SHLD2: variants seen among roughly 807,000 people sequenced by gnomAD.
SHLD2 encodes the protein RINN1-REV7-interacting novel NHEJ regulator 2.
Under a neutral mutation model 73.2 loss-of-function variants are expected in SHLD2, and 30 were observed. The observed-to-expected ratio is 0.41, with a 90% confidence interval of 0.31 to 0.56. SHLD2 has a LOEUF of 0.56. SHLD2 is among the 20% of genes least tolerant of loss of function. The pLI is 0.28. For missense variants in SHLD2, 745 were observed against 1,055.9 expected (o/e 0.71, Z 4.08); for synonymous variants, 285 against 370.1 (o/e 0.77, Z 2.64).
At chr10:87,180,040 C>G in intron 7 of SHLD2, 35 bp from the exon 8 acceptor site, 1 of 1,564,528 alleles carries the variant, frequency 6.4e-7, no homozygotes, top group Non-Finnish European at 8.8e-7. Context: ...AATTTTGGCC[C>G]AATAATTTAT....
At chr10:87,117,172 C>A (rs1005695782) in intron 2 of SHLD2, among the ~76,000 whole-genome samples, 1 of 152,196 alleles carries the variant, frequency 6.6e-6, no homozygotes, top group South Asian at 2.1e-4. Context: ...GTAATCCCAG[C>A]ACTTTGGGAG....
intron 2 of SHLD2, among the ~76,000 whole-genome samples, chr10:87,103,653 A>G (rs971367414): frequency 6.6e-6 from 1 of 152,226 alleles, no homozygotes; most frequent in African/African-American, 2.4e-5. Flanking sequence ...TTTAGTGAGC[A>G]TGCTTTAACA....
At position 87,146,611 on chromosome 10, in the gene SHLD2, T is replaced by C. The variant is rs185328436; in HGVS notation, c.-5-4739T>C. On this transcript the variant is annotated intron_variant, in intron 2 of 9. Coordinates refer to ENST00000298786, the MANE Select transcript of SHLD2 (RefSeq NM_001330112.2). ...GCCCAGCCTGCGATTTTTTTTTTTT[T>C]AAGCTCATTAGCTATCATTAGTGTT... Among the ~76,000 whole-genome samples, 572 of 150,610 alleles carry C rather than the reference T, an allele frequency of 3.8e-3. 3 individuals are homozygous for C. Among genetic ancestry groups the C allele is most frequent in the African/African-American group, 0.012 (508 of 41,322 alleles).
At chr10:87,172,308 C>G (rs528029988) in intron 6 of SHLD2, among the ~76,000 whole-genome samples, 54 of 152,180 alleles carry the variant, frequency 3.5e-4, no homozygotes, top group African/African-American at 1.3e-3. Context: ...GAGACCAACC[C>G]CATTTCCAAA....
intron 2 of SHLD2, among the ~76,000 whole-genome samples, chr10:87,148,281 G>A (rs57824162): frequency 0.11 from 16,406 of 152,170 alleles, 988 homozygotes; most frequent in Admixed American, 0.15. Flanking sequence ...TGTTTGTTAC[G>A]TAAGTGATTG....
intron 4 of SHLD2, among the ~76,000 whole-genome samples, chr10:87,166,471 AAACT>A (rs1279002863): frequency 5.9e-5 from 9 of 152,224 alleles, no homozygotes; most frequent in Admixed American, 1.3e-4. Flanking sequence ...AAATGAAGAA[AAACT>A]AACAAAGAAT....
At chr10:87,135,613 C>T (rs1204498106) in intron 2 of SHLD2, among the ~76,000 whole-genome samples, 1 of 151,752 alleles carries the variant, frequency 6.6e-6, no homozygotes, top group African/African-American at 2.4e-5. Flanking sequence ...CCCTCCTTAG[C>T]TTCCTGAGTA....
intron 2 of SHLD2, among the ~76,000 whole-genome samples, chr10:87,121,079 T>A (rs1843587690): frequency 6.6e-6 from 1 of 152,200 alleles, no homozygotes; most frequent in South Asian, 2.1e-4. Context: ...TAGCAAAAAA[T>A]GATTTTATGT....
At chr10:87,138,326 A>C (rs1488692112) in intron 2 of SHLD2, among the ~76,000 whole-genome samples, 1 of 151,872 alleles carries the variant, frequency 6.6e-6, no homozygotes, top group African/African-American at 2.4e-5. Context: ...AGAAAAGAAA[A>C]AATAGAATGT....
intron 2 of SHLD2, among the ~76,000 whole-genome samples, chr10:87,103,861 A>G (rs1022509635): frequency 6.6e-6 from 1 of 152,206 alleles, no homozygotes; most frequent in Non-Finnish European, 1.5e-5. Flanking sequence ...GGTTCCTTTC[A>G]TGTTGTGAGT....
chr10:87,121,628 G>A (rs1486080033), intron 2 of SHLD2, among the ~76,000 whole-genome samples: 1 of 151,982 alleles, frequency 6.6e-6, no homozygotes, highest in Non-Finnish European at 1.5e-5. Flanking sequence ...TGGCTTTTGA[G>A]AGCCTGCTCT....
intron 2 of SHLD2, among the ~76,000 whole-genome samples, chr10:87,151,050 C>T (rs926181725): frequency 2.0e-5 from 3 of 152,090 alleles, no homozygotes; most frequent in African/African-American, 7.2e-5. Context: ...GTCTCAATCT[C>T]CTGACCTCGT....
At chr10:87,133,177 A>T (rs1054019726) in intron 2 of SHLD2, among the ~76,000 whole-genome samples, 3 of 152,150 alleles carry the variant, frequency 2.0e-5, no homozygotes, top group Non-Finnish European at 4.4e-5. Flanking sequence ...ATGGAAAAAA[A>T]ATAATTTTTA....
At chr10:87,138,517 A>G (rs930179891) in intron 2 of SHLD2, among the ~76,000 whole-genome samples, 2 of 152,214 alleles carry the variant, frequency 1.3e-5, no homozygotes, top group Non-Finnish European at 2.9e-5. Flanking sequence ...AAAAACATTA[A>G]AACATACACA....
intron 2 of SHLD2, among the ~76,000 whole-genome samples, chr10:87,108,237 C>T (rs562302539): frequency 5.9e-5 from 9 of 152,206 alleles, no homozygotes; most frequent in Admixed American, 1.3e-4. Context: ...TTAGTAGAGG[C>T]GAGGTTTCTC....
At chr10:87,165,380 A>G (rs1847125583) in intron 4 of SHLD2, among the ~76,000 whole-genome samples, 1 of 152,162 alleles carries the variant, frequency 6.6e-6, no homozygotes, top group Non-Finnish European at 1.5e-5. Context: ...GAAAATAATA[A>G]ATTTATAAGA....
intron 6 of SHLD2, among the ~76,000 whole-genome samples, chr10:87,174,137 T>C (rs1041514288): frequency 6.6e-6 from 1 of 151,824 alleles, no homozygotes; most frequent in African/African-American, 2.4e-5. Context: ...GGGTTTATCA[T>C]GGTATCATGT....
intron 6 of SHLD2, among the ~76,000 whole-genome samples, chr10:87,172,598 C>T (rs1362080120): frequency 6.6e-6 from 1 of 151,864 alleles, no homozygotes; most frequent in East Asian, 1.9e-4. Flanking sequence ...AACCCAGTAC[C>T]TTGGGAGGCT....
At chr10:87,147,831 T>C (rs981078981) in intron 2 of SHLD2, among the ~76,000 whole-genome samples, 11 of 152,044 alleles carry the variant, frequency 7.2e-5, no homozygotes, top group Non-Finnish European at 1.0e-4. Context: ...CTTCTAGAGT[T>C]GCTGTCCCTT....
Sources: gnomAD v4.1 joint callset for allele counts (sites outside exome capture counted in the v4.1 genomes callset) on GRCh38, gnomAD v4.1.1 for gene constraint, MANE v1.5 for transcripts, NCBI Gene and HGNC (gene_info 2026-07-23, HGNC 2026-07-21) for gene names.